CDH13: variants seen among roughly 807,000 people sequenced by gnomAD.
CDH13 encodes the protein cadherin-13.
Under a neutral mutation model 63.8 loss-of-function variants are expected in CDH13, and 24 were observed. That is an observed-to-expected ratio of 0.38 (90% CI 0.27 to 0.53). CDH13 has a LOEUF of 0.53. Among genes scored for constraint, CDH13 ranks in the 20% least tolerant of loss-of-function variants. The pLI is 0.85. For missense variants in CDH13, 1,049 were observed against 903.1 expected (o/e 1.16, Z -2.07); for synonymous variants, 503 against 355.3 (o/e 1.42, Z -4.67).
intron 2 of CDH13, among the ~76,000 whole-genome samples, chr16:82,861,966 T>G (rs2039964315): frequency 6.6e-6 from 1 of 152,216 alleles, no homozygotes; most frequent in Non-Finnish European, 1.5e-5. Context: ...AAAATGTGAT[T>G]CTTCCCATTT....
rs551341485 is a variant in CDH13, at chr16:82,629,852, A to G, written c.45+2715A>G. Among the ~76,000 whole-genome samples, 5 of 152,338 alleles carry G rather than the reference A, an allele frequency of 3.3e-5. No individual in the cohort carries two copies. In the East Asian group the frequency reaches 9.6e-4, roughly 29 times the overall value. ...GCCTATGATAAGTAATGACTGTGAA[A>G]CAAATCAAGAAAGAAATGAGCAAGA... On this transcript the variant is annotated intron_variant, in intron 1 of 13. Transcript: ENST00000567109.
chr16:83,294,146 C>G (rs551222592), intron 5 of CDH13, among the ~76,000 whole-genome samples: 1 of 151,898 alleles, frequency 6.6e-6, no homozygotes, highest in East Asian at 1.9e-4. Context: ...TTACTGTGTA[C>G]GACATGATAT....
At chr16:83,424,748 T>C (rs2071836092) in intron 6 of CDH13, among the ~76,000 whole-genome samples, 1 of 152,222 alleles carries the variant, frequency 6.6e-6, no homozygotes, top group African/African-American at 2.4e-5. Flanking sequence ...CTCTCTCGAC[T>C]GTAGTTATTT....
At chr16:83,326,162 T>C (rs923033222) in intron 5 of CDH13, among the ~76,000 whole-genome samples, 5 of 152,176 alleles carry the variant, frequency 3.3e-5, no homozygotes, top group African/African-American at 7.2e-5. Context: ...TATTCATCTT[T>C]CCAGAACATG....
At chr16:83,244,545 C>G (rs1904793423) in intron 5 of CDH13, among the ~76,000 whole-genome samples, 1 of 152,156 alleles carries the variant, frequency 6.6e-6, no homozygotes, top group Non-Finnish European at 1.5e-5. Context: ...CCCTGGAACA[C>G]TAGTTCTTGC....
intron 3 of CDH13, among the ~76,000 whole-genome samples, chr16:83,100,787 G>A (rs2034437518): frequency 6.6e-6 from 1 of 152,184 alleles, no homozygotes; most frequent in East Asian, 1.9e-4. Flanking sequence ...GTATACACTT[G>A]CAGCACCCAT....
intron 2 of CDH13, among the ~76,000 whole-genome samples, chr16:82,988,433 C>T (rs1037894838): frequency 6.6e-5 from 10 of 151,900 alleles, no homozygotes; most frequent in South Asian, 4.2e-4. Flanking sequence ...TGTTGAAGAA[C>T]GTGGAAGCTT....
chr16:82,700,680 A>G (rs986154252), intron 1 of CDH13, among the ~76,000 whole-genome samples: 2 of 152,122 alleles, frequency 1.3e-5, no homozygotes, highest in Admixed American at 1.3e-4. Flanking sequence ...AGAGAAAGCA[A>G]CTGTGAGAAG....
intron 6 of CDH13, among the ~76,000 whole-genome samples, chr16:83,446,657 G>A (rs1337030254): frequency 6.6e-6 from 1 of 152,110 alleles, no homozygotes; most frequent in Admixed American, 6.6e-5. Context: ...GTAATCAAAG[G>A]AACGAGCTCC....
At position 83,726,831 on chromosome 16, in the gene CDH13, T is replaced by G. The variant is rs1286147335; in HGVS notation, c.1539-21277T>G. 1.1e-4 allele frequency among the ~76,000 whole-genome samples: 3 copies of G among 28,304 alleles called. No individual in the cohort carries two copies. The East Asian group carries it at 3.2e-3, about 30-fold the overall frequency. The allele number at this position is 28,304 out of a possible 152,430, so 18.6% of individuals were successfully genotyped here. A position where few individuals can be genotyped will look rare whatever the true frequency, so the allele number is the denominator to read the frequency against. On this transcript the variant is annotated intron_variant, in intron 10 of 13. Transcript: ENST00000567109. ...CCAGCCTGGGGCGACAGAGCAAGAC[T>G]CTGTCTCAAAAAAAAAAAAAAATCA...
At chr16:83,546,153 A>C (rs2075381990) in intron 7 of CDH13, among the ~76,000 whole-genome samples, 1 of 152,192 alleles carries the variant, frequency 6.6e-6, no homozygotes, top group Non-Finnish European at 1.5e-5. Context: ...GGTTTGGGCT[A>C]AAACCTGCAT....
chr16:83,358,922 T>C lies in CDH13; in HGVS notation c.781+13916T>C, dbSNP rs1013913293. On this transcript the variant is annotated intron_variant, in intron 6 of 13. Coordinates refer to ENST00000567109, the MANE Select transcript of CDH13 (RefSeq NM_001257.5). Reference sequence around the variant, plus strand: ...TTTGATTTCCTAGTATTACTGTAATTTCAGATCACAGTCTAGTACTAATAA... The same window carrying C: ...TTTGATTTCCTAGTATTACTGTAATCTCAGATCACAGTCTAGTACTAATAA... 5.3e-5 allele frequency among the ~76,000 whole-genome samples: 8 copies of C among 152,158 alleles called. No homozygotes were observed. In the South Asian group the frequency reaches 6.2e-4, roughly 12 times the overall value.
chr16:83,472,511 G>A (rs1478795733), intron 6 of CDH13, among the ~76,000 whole-genome samples: 3 of 152,184 alleles, frequency 2.0e-5, no homozygotes, highest in Non-Finnish European at 4.4e-5. Context: ...GTGGAGTCAG[G>A]GCACCGCCGC....
chr16:83,291,587 A>G (rs1410678943), intron 5 of CDH13, among the ~76,000 whole-genome samples: 1 of 152,034 alleles, frequency 6.6e-6, no homozygotes, highest in Non-Finnish European at 1.5e-5. Context: ...CCAAGATAGA[A>G]TTTTAGTAGA....
intron 11 of CDH13, among the ~76,000 whole-genome samples, chr16:83,748,463 CT>C (rs1419414281): frequency 2.1e-4 from 32 of 152,242 alleles, no homozygotes; most frequent in African/African-American, 7.5e-4. Flanking sequence ...TGAATAATGT[CT>C]GGTGAGAGGT....
intron 6 of CDH13, among the ~76,000 whole-genome samples, chr16:83,354,955 A>G (rs938314174): frequency 5.3e-5 from 8 of 152,252 alleles, no homozygotes; most frequent in Non-Finnish European, 1.0e-4. Flanking sequence ...CACAGACTGT[A>G]TATTCCACAG....
At chr16:83,511,053 C>G (rs1378865595) in intron 7 of CDH13, among the ~76,000 whole-genome samples, 1 of 107,536 alleles carries the variant, frequency 9.3e-6, no homozygotes, top group African/African-American at 3.6e-5. Flanking sequence ...CACGTGTGTG[C>G]ACACACAGAC....
At chr16:83,684,925 A>G (rs1255319970) in intron 10 of CDH13, among the ~76,000 whole-genome samples, 1 of 152,074 alleles carries the variant, frequency 6.6e-6, no homozygotes, top group Non-Finnish European at 1.5e-5. Flanking sequence ...CAGGCATGAC[A>G]GTTCAGGGAC....
intron 7 of CDH13, among the ~76,000 whole-genome samples, chr16:83,525,671 G>A (rs932373715): frequency 6.6e-6 from 1 of 152,146 alleles, no homozygotes; most frequent in East Asian, 1.9e-4. Flanking sequence ...CTGGGACTAT[G>A]TTGCCTACCT....
Sources: gnomAD v4.1 joint callset for allele counts (sites outside exome capture counted in the v4.1 genomes callset) on GRCh38, gnomAD v4.1.1 for gene constraint, MANE v1.5 for transcripts, NCBI Gene and HGNC (gene_info 2026-07-23, HGNC 2026-07-21) for gene names.